NUMB: variants seen among roughly 807,000 people sequenced by gnomAD.
NUMB encodes NUMB endocytic adaptor protein, also known as protein numb homolog.
Under a neutral mutation model 59.7 loss-of-function variants are expected in NUMB, and 29 were observed. The observed-to-expected ratio is 0.49, with a 90% CI of 0.36 to 0.66. NUMB has a LOEUF of 0.66. NUMB is among the 30% of genes least tolerant of loss of function. The pLI, the probability that NUMB is intolerant of heterozygous loss-of-function variation, is 0.00. For synonymous variants in NUMB, 288 were observed against 288.2 expected (o/e 1.00, Z 0.01); for missense variants, 723 against 822.0 (o/e 0.88, Z 1.47).
rs144370703 is a variant in NUMB, at chr14:73,344,396, G to C, written c.126+11230C>G. 4.3e-4 allele frequency among the ~76,000 whole-genome samples: 66 copies of C among 152,254 alleles called. 2 individuals carry two copies. Among genetic ancestry groups the C allele is most frequent in the Admixed American group, 3.8e-3 (58 of 15,282 alleles). On this transcript the variant is annotated intron_variant, in intron 4 of 12. Coordinates refer to ENST00000555238, the MANE Select transcript of NUMB (RefSeq NM_001005743.2). ...CATGGCTACACACAAAATAAGAAAT[G>C]CTTGTTATTAAAATACTAAAAATAC...
At chr14:73,422,781 C>T (rs1175025969) in intron 1 of NUMB, among the ~76,000 whole-genome samples, 2 of 152,010 alleles carry the variant, frequency 1.3e-5, no homozygotes, top group African/African-American at 4.8e-5. Context: ...GTAAATCATT[C>T]ATGAGGGATC....
chr14:73,363,537 G>GA (rs547163232), intron 3 of NUMB, among the ~76,000 whole-genome samples: 19 of 152,068 alleles, frequency 1.2e-4, no homozygotes, highest in African/African-American at 4.6e-4. Flanking sequence ...TTTTCAGGGG[G>GA]AAAAAAATAG....
At chr14:73,289,859 A>T (rs1889276436) in intron 8 of NUMB, among the ~76,000 whole-genome samples, 2 of 152,332 alleles carry the variant, frequency 1.3e-5, no homozygotes, top group Middle Eastern at 3.4e-3. Flanking sequence ...GGACAGAGCT[A>T]CAGGTCAAGG....
At chr14:73,369,145 G>A (rs1280011433) in intron 2 of NUMB, among the ~76,000 whole-genome samples, 1 of 151,468 alleles carries the variant, frequency 6.6e-6, no homozygotes, top group East Asian at 1.9e-4. Context: ...GGGTTCAAGT[G>A]ATTCTCCTGC....
chr14:73,446,770 T>G (rs1195567318), intron 1 of NUMB, among the ~76,000 whole-genome samples: 2 of 150,852 alleles, frequency 1.3e-5, no homozygotes, highest in African/African-American at 2.4e-5. Context: ...AAAAAAAAAA[T>G]TAATAAATAA....
intron 2 of NUMB, among the ~76,000 whole-genome samples, chr14:73,396,856 C>T (rs1284270975): frequency 1.3e-5 from 2 of 152,158 alleles, no homozygotes; most frequent in African/African-American, 4.8e-5. Context: ...GGCGCAGTGG[C>T]TCATGCCTGT....
rs555664650 is a variant in NUMB at position 73,355,162 on chromosome 14, C to A, written c.126+464G>T. ...CACTTTCTGATCTTACAAATGAAGGCATTAGTTTAAATGACCTCTGTACCA... is the reference window on the plus strand; with the variant it reads ...CACTTTCTGATCTTACAAATGAAGGAATTAGTTTAAATGACCTCTGTACCA... On this transcript the variant is annotated intron_variant, in intron 4 of 12. Coordinates refer to ENST00000555238, the MANE Select transcript of NUMB (RefSeq NM_001005743.2). 2.3e-4 allele frequency among the ~76,000 whole-genome samples: 35 copies of A among 152,228 alleles called. 1 individual carries two copies. The South Asian group carries it at 6.8e-3, about 30-fold the overall frequency.
At chr14:73,421,170 TTTGGTGTTTTTG>T (rs1411086148) in intron 1 of NUMB, among the ~76,000 whole-genome samples, 1 of 151,958 alleles carries the variant, frequency 6.6e-6, no homozygotes, top group East Asian at 1.9e-4. Flanking sequence ...AAAGTTTTTT[TTTGGTGTTTTTG>T]TTTGTTTGTT....
intron 8 of NUMB, among the ~76,000 whole-genome samples, chr14:73,292,227 C>T (rs1215635103): frequency 1.3e-5 from 2 of 152,080 alleles, no homozygotes; most frequent in African/African-American, 2.4e-5. Flanking sequence ...TTTTCTTTAA[C>T]TTTGTAAAGA....
intron 6 of NUMB, among the ~76,000 whole-genome samples, chr14:73,313,881 C>G (rs936318763): frequency 8.0e-5 from 12 of 150,644 alleles, no homozygotes; most frequent in Non-Finnish European, 1.6e-4. Context: ...TATCTTGGCT[C>G]ATTGCAACCT....
At chr14:73,404,766 T>C (rs1050206641) in intron 2 of NUMB, among the ~76,000 whole-genome samples, 1 of 152,074 alleles carries the variant, frequency 6.6e-6, no homozygotes, top group African/African-American at 2.4e-5. Flanking sequence ...AAAATGATTT[T>C]CTTTTTTTTT....
chr14:73,386,460 T>G (rs532406401), intron 2 of NUMB, among the ~76,000 whole-genome samples: 1 of 152,318 alleles, frequency 6.6e-6, no homozygotes, highest in South Asian at 2.1e-4. Context: ...TCCAGATTTT[T>G]TTTTAACTTG....
intron 2 of NUMB, among the ~76,000 whole-genome samples, chr14:73,386,888 T>TTTA: frequency 1.1e-5 from 1 of 93,248 alleles, no homozygotes; most frequent in African/African-American, 4.0e-5. Flanking sequence ...TTTTTTTTTT[T>TTTA]TTTTTTTTTT....
intron 9 of NUMB, chr14:73,284,601 C>A: frequency 2.6e-6 from 1 of 383,578 alleles, no homozygotes; most frequent in Non-Finnish European, 4.7e-6. Context: ...AATGTTAGAT[C>A]TTTTATTCTC....
chr14:73,394,610 C>T (rs1896028300), intron 2 of NUMB, among the ~76,000 whole-genome samples: 1 of 151,882 alleles, frequency 6.6e-6, no homozygotes, highest in South Asian at 2.1e-4. Context: ...TTATTAACTA[C>T]AGTCACCATT....
intron 2 of NUMB, among the ~76,000 whole-genome samples, chr14:73,389,174 G>A (rs1278326303): frequency 4.1e-5 from 6 of 147,828 alleles, no homozygotes; most frequent in African/African-American, 1.5e-4. Flanking sequence ...GAGAAGCTGA[G>A]GCAAGAGAAT....
At chr14:73,338,494 T>C (rs1457951612) in intron 4 of NUMB, among the ~76,000 whole-genome samples, 1 of 152,214 alleles carries the variant, frequency 6.6e-6, no homozygotes, top group Non-Finnish European at 1.5e-5. Context: ...ATCTCTTTGT[T>C]ATCACCCTTG....
At chr14:73,366,144 C>T (rs778130040) in intron 3 of NUMB, among the ~76,000 whole-genome samples, 3 of 152,170 alleles carry the variant, frequency 2.0e-5, no homozygotes, top group Non-Finnish European at 4.4e-5. Context: ...AAAACACATT[C>T]ATAATGCAAT....
intron 2 of NUMB, among the ~76,000 whole-genome samples, chr14:73,398,561 A>T (rs1273947136): frequency 6.6e-6 from 1 of 152,006 alleles, no homozygotes; most frequent in Non-Finnish European, 1.5e-5. Context: ...AAATATCTAC[A>T]GCAAATATAT....
Sources: gnomAD v4.1 joint callset for allele counts (sites outside exome capture counted in the v4.1 genomes callset) on GRCh38, gnomAD v4.1.1 for gene constraint, MANE v1.5 for transcripts, NCBI Gene and HGNC (gene_info 2026-07-23, HGNC 2026-07-21) for gene names.